Variants in ROBO2 observed in about 807,000 individuals in gnomAD.
ROBO2 encodes roundabout guidance receptor 2.
In ROBO2, 53 loss-of-function variants were observed where a neutral mutation model predicts 160.8. That is an observed-to-expected ratio of 0.33 (90% CI 0.26 to 0.41). ROBO2 has a LOEUF of 0.41. ROBO2 is among the 10% of genes least tolerant of loss of function. The pLI is 1.00. For missense variants in ROBO2, 1,577 were observed against 1,722.4 expected (o/e 0.92, Z 1.49); for synonymous variants, 664 against 611.7 (o/e 1.09, Z -1.26).
chr3:76,882,808 T>G (rs981422993), intron 2 of ROBO2, among the ~76,000 whole-genome samples: 1 of 152,224 alleles, frequency 6.6e-6, no homozygotes, highest in Admixed American at 6.5e-5. Context: ...ACTAAAATTT[T>G]ATTACACTGG....
At chr3:77,439,478 A>G (rs1365880143) in intron 2 of ROBO2, among the ~76,000 whole-genome samples, 1 of 151,920 alleles carries the variant, frequency 6.6e-6, no homozygotes, top group Non-Finnish European at 1.5e-5. Context: ...TGATATACAA[A>G]TTAGTTCTGA....
chr3:76,647,423 GC>G (rs1362918025), intron 2 of ROBO2, among the ~76,000 whole-genome samples: 1 of 152,162 alleles, frequency 6.6e-6, no homozygotes, highest in East Asian at 1.9e-4. Flanking sequence ...GGCGAGCCGA[GC>G]TGCAGTTCAA....
intron 2 of ROBO2, among the ~76,000 whole-genome samples, chr3:77,263,253 A>C (rs2058893690): frequency 6.6e-6 from 1 of 152,166 alleles, no homozygotes; most frequent in Admixed American, 6.5e-5. Context: ...TTATTTTAAT[A>C]TTTTTAAGTT....
intron 2 of ROBO2, among the ~76,000 whole-genome samples, chr3:75,984,312 G>A (rs74363451): frequency 6.6e-6 from 1 of 151,522 alleles, no homozygotes; most frequent in Non-Finnish European, 1.5e-5. Context: ...TATGGTAAGA[G>A]TAAAATGCCC....
intron 2 of ROBO2, among the ~76,000 whole-genome samples, chr3:76,468,085 T>C (rs1174736090): frequency 2.0e-5 from 3 of 152,138 alleles, no homozygotes; most frequent in Non-Finnish European, 2.9e-5. Flanking sequence ...TTAAAAATCA[T>C]CATTTAAATT....
intron 2 of ROBO2, among the ~76,000 whole-genome samples, chr3:76,121,395 C>A (rs1266581536): frequency 1.3e-5 from 2 of 151,998 alleles, no homozygotes; most frequent in Non-Finnish European, 2.9e-5. Context: ...GATTCATTTC[C>A]AAATTCTTTG....
intron 2 of ROBO2, among the ~76,000 whole-genome samples, chr3:76,348,189 C>A (rs1453595183): frequency 1.3e-5 from 2 of 152,038 alleles, no homozygotes; most frequent in African/African-American, 4.8e-5. Flanking sequence ...CACTGTCCGC[C>A]ATCATTCCAC....
At chr3:76,106,964 C>T (rs1341016271) in intron 2 of ROBO2, among the ~76,000 whole-genome samples, 1 of 151,994 alleles carries the variant, frequency 6.6e-6, no homozygotes, top group Non-Finnish European at 1.5e-5. Flanking sequence ...AAGATATCCT[C>T]TTTGTGTAGG....
At chr3:76,316,634 T>G (rs1041253523) in intron 2 of ROBO2, among the ~76,000 whole-genome samples, 2 of 152,154 alleles carry the variant, frequency 1.3e-5, no homozygotes, top group Admixed American at 1.3e-4. Context: ...GCTCATGAAG[T>G]TAACAGGATT....
chr3:76,201,889 C>CAAAAAAAAAAAAAAAAAAAAAAAAAA (rs3039047), intron 2 of ROBO2, among the ~76,000 whole-genome samples: 1 of 105,582 alleles, frequency 9.5e-6, no homozygotes, highest in African/African-American at 3.7e-5. Flanking sequence ...CGAGAAATGT[C>CAAAAAAAAAAAAAAAAAAAAAAAAAA]AAAAAAAAAA....
intron 5 of ROBO2, among the ~76,000 whole-genome samples, chr3:77,493,966 C>T (rs1369185474): frequency 6.6e-6 from 1 of 152,108 alleles, no homozygotes; most frequent in African/African-American, 2.4e-5. Context: ...CCATCTCCTT[C>T]TTATTGTTCT....
intron 2 of ROBO2, among the ~76,000 whole-genome samples, chr3:76,465,954 C>T (rs2078335913): frequency 6.6e-6 from 1 of 151,264 alleles, no homozygotes; most frequent in East Asian, 1.9e-4. Context: ...TCCTTTTGAT[C>T]TCTGTGCTCC....
At chr3:76,565,472 C>T (rs753914339) in intron 2 of ROBO2, among the ~76,000 whole-genome samples, 52 of 152,124 alleles carry the variant, frequency 3.4e-4, no homozygotes, top group Non-Finnish European at 6.3e-4. Flanking sequence ...AGTTTTATGG[C>T]GTCAAGTTTA....
chr3:76,311,414 G>C lies in ROBO2; in HGVS notation c.109+373812G>C, dbSNP rs533193055. 7 of 152,290 alleles carry C rather than the reference G, an allele frequency of 4.6e-5. No individual in the cohort carries two copies. In the South Asian group the frequency reaches 6.2e-4, roughly 14 times the overall value. 9.4% of individuals were successfully genotyped at this position (152,290 alleles called of 1,614,324 possible). ...CCCCTGGAAAGGAAAACCTTGGAAG[G>C]GGGGTAAGTGATGAAAGTTTCGTGT... On this transcript the variant is annotated intron_variant, in intron 2 of 26. Transcript: ENST00000487694.
At chr3:77,494,162 T>C (rs1443467934) in intron 5 of ROBO2, among the ~76,000 whole-genome samples, 1 of 152,242 alleles carries the variant, frequency 6.6e-6, no homozygotes, top group Non-Finnish European at 1.5e-5. Context: ...ATTTTATCTT[T>C]AAGATTTGTT....
At chr3:76,164,383 T>C (rs2072748391) in intron 2 of ROBO2, among the ~76,000 whole-genome samples, 1 of 152,224 alleles carries the variant, frequency 6.6e-6, no homozygotes, top group South Asian at 2.1e-4. Flanking sequence ...GTGAATTCTT[T>C]TCAGGAGGGT....
chr3:76,041,093 T>TA (rs1427747501), intron 2 of ROBO2, among the ~76,000 whole-genome samples: 3 of 152,098 alleles, frequency 2.0e-5, no homozygotes. Flanking sequence ...AAACAATCTT[T>TA]ACTAGGATTT....
At chr3:76,054,136 A>G (rs2067753538) in intron 2 of ROBO2, among the ~76,000 whole-genome samples, 2 of 152,254 alleles carry the variant, frequency 1.3e-5, no homozygotes, top group African/African-American at 4.8e-5. Flanking sequence ...TTTTACTTGA[A>G]TATTTAAATT....
chr3:77,455,004 T>C (rs771417247), intron 2 of ROBO2, among the ~76,000 whole-genome samples: 6 of 152,152 alleles, frequency 3.9e-5, no homozygotes, highest in Non-Finnish European at 8.8e-5. Flanking sequence ...CGAGAAAAAA[T>C]GGATTAGTAG....
Sources: allele counts gnomAD v4.1 joint callset (sites outside exome capture counted in the v4.1 genomes callset), GRCh38; gene constraint gnomAD v4.1.1; transcripts MANE v1.5; gene names NCBI Gene and HGNC (gene_info 2026-07-23, HGNC 2026-07-21).